Variants in RFC3 observed in about 807,000 individuals in gnomAD.
RFC3 encodes A1 38 kDa subunit.
RFC3 carries 41 observed loss-of-function variants against 45.1 expected under a neutral mutation model. The observed-to-expected ratio is 0.91, with a 90% CI of 0.71 to 1.18. The LOEUF is 1.18. Among genes scored for constraint, RFC3 ranks in the 50% most tolerant of loss-of-function variants. The probability of loss-of-function intolerance (pLI) is 0.00; values close to 1 mark genes in which losing one functional copy is unlikely to be tolerated. For synonymous variants in RFC3, 149 were observed against 144.0 expected (o/e 1.03, Z -0.25); for missense variants, 423 against 428.1 (o/e 0.99, Z 0.10).
intron 8 of RFC3, among the ~76,000 whole-genome samples, chr13:33,937,252 T>C (rs2082892759): frequency 6.6e-6 from 1 of 152,172 alleles, no homozygotes; most frequent in African/African-American, 2.4e-5. Flanking sequence ...TAACATTCAG[T>C]ACAGTGACAT....
intron 8 of RFC3, among the ~76,000 whole-genome samples, chr13:33,879,924 A>T (rs1566013837): frequency 6.6e-6 from 1 of 152,202 alleles, no homozygotes; most frequent in Non-Finnish European, 1.5e-5. Context: ...TTCCATCTTC[A>T]GAGCCAGCCA....
intron 8 of RFC3, chr13:33,848,635 T>G (rs1473888791): frequency 6.6e-6 from 1 of 152,114 alleles, no homozygotes; most frequent in East Asian, 1.9e-4. Flanking sequence ...GCTCTGGCCT[T>G]TATCCCTTGT....
At chr13:33,877,852 A>G (rs1023253310) in intron 8 of RFC3, among the ~76,000 whole-genome samples, 3 of 149,228 alleles carry the variant, frequency 2.0e-5, no homozygotes, top group South Asian at 2.1e-4. Flanking sequence ...TTTCACTATA[A>G]TGGATTATAA....
At chr13:33,933,783 TAA>T (rs918869614) in intron 8 of RFC3, among the ~76,000 whole-genome samples, 8 of 152,070 alleles carry the variant, frequency 5.3e-5, no homozygotes, top group Admixed American at 5.2e-4. Flanking sequence ...ATATTTTTAT[TAA>T]GAGAGAGAAA....
intron 8 of RFC3, among the ~76,000 whole-genome samples, chr13:33,920,863 A>G (rs2082764458): frequency 6.6e-6 from 1 of 152,238 alleles, no homozygotes; most frequent in Non-Finnish European, 1.5e-5. Flanking sequence ...TCTTTATCTT[A>G]CTAAATCTTC....
At chr13:33,828,582 T>C (rs1216382185) in intron 4 of RFC3, among the ~76,000 whole-genome samples, 1 of 152,222 alleles carries the variant, frequency 6.6e-6, no homozygotes, top group Non-Finnish European at 1.5e-5. Context: ...GGCAACAGGC[T>C]GGAGTGCAGC....
intron 8 of RFC3, among the ~76,000 whole-genome samples, chr13:33,929,338 T>C (rs1290301056): frequency 1.3e-5 from 2 of 152,074 alleles, no homozygotes; most frequent in African/African-American, 2.4e-5. Flanking sequence ...TTGTAGGTAA[T>C]AGAAGAGTTT....
intron 6 of RFC3, 83 bp from the exon 7 acceptor site, chr13:33,831,173 C>T (rs2082099624): frequency 1.2e-6 from 1 of 847,206 alleles, no homozygotes; most frequent in Non-Finnish European, 2.0e-6. Context: ...TTCCTAACCG[C>T]ACGGACCAGT....
chr13:33,928,582 TG>T (rs1335209410), intron 8 of RFC3, among the ~76,000 whole-genome samples: 3 of 152,142 alleles, frequency 2.0e-5, no homozygotes, highest in Non-Finnish European at 4.4e-5. Flanking sequence ...CTTATTACAT[TG>T]ATCAGCTCAC....
At chr13:33,855,839 T>TTTAAGTTTTTTA (rs1433800598) in intron 8 of RFC3, among the ~76,000 whole-genome samples, 3 of 152,158 alleles carry the variant, frequency 2.0e-5, no homozygotes, top group Non-Finnish European at 4.4e-5. Context: ...GTCTTGTAAA[T>TTTAAGTTTTTTA]TTAAGTTTTT....
chr13:33,919,655 T>A (rs1344134828), intron 8 of RFC3, among the ~76,000 whole-genome samples: 3 of 152,124 alleles, frequency 2.0e-5, no homozygotes, highest in African/African-American at 7.2e-5. Context: ...TGCTTTAAAC[T>A]TTTGGTATTA....
At chr13:33,871,743 A>G (rs1566010388) in intron 8 of RFC3, among the ~76,000 whole-genome samples, 1 of 152,182 alleles carries the variant, frequency 6.6e-6, no homozygotes, top group Non-Finnish European at 1.5e-5. Context: ...TGGAGCCTAA[A>G]CCATGTAGTA....
chr13:33,964,030 G>A (rs1283214601), intron 8 of RFC3, among the ~76,000 whole-genome samples: 2 of 152,114 alleles, frequency 1.3e-5, no homozygotes, highest in Admixed American at 6.6e-5. Flanking sequence ...TGATGAAATC[G>A]CTGCAGTAAC....
At chr13:33,949,328 T>A (rs143355553) in intron 8 of RFC3, among the ~76,000 whole-genome samples, 40 of 152,324 alleles carry the variant, frequency 2.6e-4, no homozygotes, top group Non-Finnish European at 4.7e-4. Context: ...GATGCGGAAC[T>A]GTGAGTCAAT....
At chr13:33,893,261 C>G (rs1475778654) in intron 8 of RFC3, among the ~76,000 whole-genome samples, 1 of 152,056 alleles carries the variant, frequency 6.6e-6, no homozygotes, top group Non-Finnish European at 1.5e-5. Flanking sequence ...CCTTTGGAAC[C>G]CCCTCTTGGG....
chr13:33,922,003 G>A (rs907139533), intron 8 of RFC3, among the ~76,000 whole-genome samples: 3 of 152,108 alleles, frequency 2.0e-5, no homozygotes, highest in Admixed American at 6.5e-5. Flanking sequence ...CTTCCCATCT[G>A]TCAGGCAGGG....
At chr13:33,821,329 C>A (rs911070660) in intron 2 of RFC3, 60 bp downstream of exon 2, 37 of 1,513,934 alleles carry the variant, frequency 2.4e-5, no homozygotes, top group Non-Finnish European at 3.1e-5. Context: ...CAGTCTTGGT[C>A]ATGTATGTCC....
chr13:33,949,860 C>G (rs961867060), intron 8 of RFC3, among the ~76,000 whole-genome samples: 1 of 152,058 alleles, frequency 6.6e-6, no homozygotes, highest in Non-Finnish European at 1.5e-5. Flanking sequence ...TTTCTCTTAC[C>G]TGACAGCCTT....
intron 8 of RFC3, among the ~76,000 whole-genome samples, chr13:33,854,378 T>G (rs927046283): frequency 1.3e-5 from 2 of 152,206 alleles, no homozygotes; most frequent in African/African-American, 4.8e-5. Context: ...AGGACTGGTT[T>G]AAGAAGTAGA....
Sources: allele counts gnomAD v4.1 joint callset (sites outside exome capture counted in the v4.1 genomes callset), GRCh38; gene constraint gnomAD v4.1.1; transcripts MANE v1.5; gene names NCBI Gene and HGNC (gene_info 2026-07-23, HGNC 2026-07-21).